Variants in DLG2 observed in about 807,000 individuals in gnomAD.
The protein encoded by DLG2 is discs large MAGUK scaffold protein 2.
A neutral mutation model predicts 132.5 loss-of-function variants in DLG2; 45 were observed. The ratio of observed to expected loss-of-function variants is 0.34; its 90% CI spans 0.27 to 0.44. The LOEUF is 0.44. DLG2 is among the 20% of genes least tolerant of loss of function. DLG2 has a pLI of 1.00. For missense variants in DLG2, 1,045 were observed against 1,196.9 expected (o/e 0.87, Z 1.87); for synonymous variants, 424 against 419.6 (o/e 1.01, Z -0.13).
intron 6 of DLG2, among the ~76,000 whole-genome samples, chr11:84,657,697 G>A (rs2099689903): frequency 6.6e-6 from 1 of 152,142 alleles, no homozygotes; most frequent in Non-Finnish European, 1.5e-5. Context: ...GTAGAGCTCA[G>A]GCAGTAATAC....
chr11:85,159,515 G>A (rs1362243092), intron 4 of DLG2, among the ~76,000 whole-genome samples: 1 of 152,206 alleles, frequency 6.6e-6, no homozygotes, highest in Non-Finnish European at 1.5e-5. Flanking sequence ...AGATGCAGGG[G>A]TGGCAATTCC....
At chr11:85,062,826 C>T (rs184379264) in intron 6 of DLG2, among the ~76,000 whole-genome samples, 10 of 151,598 alleles carry the variant, frequency 6.6e-5, no homozygotes, top group African/African-American at 2.4e-4. Flanking sequence ...AGAGTTAGTA[C>T]TCATCACAAC....
intron 3 of DLG2, among the ~76,000 whole-genome samples, chr11:85,292,650 A>AGGGAGGGAGGGAGGG (rs2078968924): frequency 3.4e-5 from 1 of 29,028 alleles, no homozygotes; most frequent in African/African-American, 1.2e-4. Context: ...GGAAGGAAGG[A>AGGGAGGGAGGGAGGG]AGGAAGGGAG....
chr11:83,647,700 C>T (rs551670809), intron 18 of DLG2: 1 of 152,244 alleles, frequency 6.6e-6, no homozygotes, highest in Admixed American at 6.5e-5. Flanking sequence ...CATGTGTTGT[C>T]TTGACCGACT....
At chr11:84,607,072 G>T (rs1021063044) in intron 6 of DLG2, among the ~76,000 whole-genome samples, 2 of 151,996 alleles carry the variant, frequency 1.3e-5, no homozygotes, top group African/African-American at 4.8e-5. Context: ...TTTTTTTAGT[G>T]TTATTCAAGC....
intron 3 of DLG2, among the ~76,000 whole-genome samples, chr11:85,306,594 G>C (rs1386306164): frequency 6.6e-6 from 1 of 151,826 alleles, no homozygotes; most frequent in African/African-American, 2.4e-5. Flanking sequence ...TTTTTGAGAC[G>C]GAGTCTTGCT....
chr11:85,137,653 G>C (rs546800000), intron 5 of DLG2, among the ~76,000 whole-genome samples: 1 of 152,150 alleles, frequency 6.6e-6, no homozygotes, highest in East Asian at 1.9e-4. Context: ...AGCTTATAAG[G>C]GCCTTGGGAA....
At chr11:84,297,534 T>C (rs367900958) in intron 7 of DLG2, among the ~76,000 whole-genome samples, 31 of 152,158 alleles carry the variant, frequency 2.0e-4, no homozygotes, top group Admixed American at 5.2e-4. Flanking sequence ...CCCATCCCCA[T>C]TGCTGCTACC....
chr11:84,278,426 A>G (rs1237869335), intron 7 of DLG2, among the ~76,000 whole-genome samples: 1 of 151,548 alleles, frequency 6.6e-6, no homozygotes, highest in Non-Finnish European at 1.5e-5. Flanking sequence ...ACGATTCTAC[A>G]CAAAATTTTT....
chr11:85,133,738 C>T (rs2075921367), intron 5 of DLG2, among the ~76,000 whole-genome samples: 1 of 152,116 alleles, frequency 6.6e-6, no homozygotes, highest in Non-Finnish European at 1.5e-5. Flanking sequence ...AAACTTTTCC[C>T]TCCTCACTTG....
chr11:84,949,052 C>T (rs1243818091), intron 6 of DLG2, among the ~76,000 whole-genome samples: 2 of 152,112 alleles, frequency 1.3e-5, no homozygotes, highest in Non-Finnish European at 2.9e-5. Flanking sequence ...CCGAAAATCA[C>T]GTAGGTTCTT....
chr11:85,554,657 C>T (rs142234820), intron 3 of DLG2, among the ~76,000 whole-genome samples: 2 of 151,960 alleles, frequency 1.3e-5, no homozygotes, highest in Non-Finnish European at 2.9e-5. Flanking sequence ...CTAATGAAAG[C>T]CCAAGAGATT....
At chr11:84,402,881 C>CAAAAAAAAAAAAAAAAA (rs34476380) in intron 7 of DLG2, among the ~76,000 whole-genome samples, 2,817 of 73,626 alleles carry the variant, frequency 0.038, 181 homozygotes, top group Non-Finnish European at 0.053. Context: ...AACTCCGTCT[C>CAAAAAAAAAAAAAAAAA]AAAAAAAAAA....
intron 18 of DLG2, among the ~76,000 whole-genome samples, chr11:83,755,699 C>T (rs1379827212): frequency 1.3e-5 from 2 of 151,066 alleles, no homozygotes; most frequent in African/African-American, 2.5e-5. Context: ...ACCATACAAA[C>T]CTCAGGGGTC....
chr11:84,489,771 C>T (rs1227938809), intron 7 of DLG2, among the ~76,000 whole-genome samples: 16 of 152,040 alleles, frequency 1.1e-4, no homozygotes, highest in African/African-American at 3.6e-4. Context: ...TTTAATTCCT[C>T]CATGAAACCC....
chr11:84,007,634 A>G (rs2094637149), intron 11 of DLG2, among the ~76,000 whole-genome samples: 1 of 151,774 alleles, frequency 6.6e-6, no homozygotes, highest in Non-Finnish European at 1.5e-5. Context: ...TAAAATAATA[A>G]ATGGACTATT....
intron 17 of DLG2, among the ~76,000 whole-genome samples, chr11:83,802,661 G>A (rs2044760300): frequency 6.6e-6 from 1 of 151,834 alleles, no homozygotes; most frequent in South Asian, 2.1e-4. Context: ...TTCATATAAT[G>A]GAATACTATG....
At chr11:83,895,672 C>T (rs1278942768) in intron 15 of DLG2, among the ~76,000 whole-genome samples, 1 of 152,176 alleles carries the variant, frequency 6.6e-6, no homozygotes, top group African/African-American at 2.4e-5. Flanking sequence ...TTGTTCTTTA[C>T]CCAGCCTGCT....
intron 3 of DLG2, among the ~76,000 whole-genome samples, chr11:85,337,989 T>C (rs1654511487): frequency 6.6e-6 from 1 of 152,210 alleles, no homozygotes; most frequent in Admixed American, 6.5e-5. Context: ...AGGTGGAAGA[T>C]AGTGCTAATA....
Sources: allele counts gnomAD v4.1 joint callset (sites outside exome capture counted in the v4.1 genomes callset), GRCh38; gene constraint gnomAD v4.1.1; transcripts MANE v1.5; gene names NCBI Gene and HGNC (gene_info 2026-07-23, HGNC 2026-07-21).